Variants in NEDD4L observed in about 807,000 individuals in gnomAD.
NEDD4L encodes the protein NEDD4 like E3 ubiquitin protein ligase.
In NEDD4L, 54 loss-of-function variants were observed where a neutral mutation model predicts 148.9. That is an observed-to-expected ratio of 0.36 (90% confidence interval 0.29 to 0.45). NEDD4L has a LOEUF of 0.45. Ranked by LOEUF, NEDD4L falls within the 20% of genes least tolerant of loss-of-function variation. The probability of loss-of-function intolerance (pLI) is 1.00; values close to 1 mark genes in which losing one functional copy is unlikely to be tolerated. For synonymous variants in NEDD4L, 433 were observed against 440.7 expected (o/e 0.98, Z 0.22); for missense variants, 856 against 1,233.8 (o/e 0.69, Z 4.59).
chr18:58,111,190 C>T (rs560030402), intron 1 of NEDD4L, among the ~76,000 whole-genome samples: 14 of 152,274 alleles, frequency 9.2e-5, no homozygotes, highest in Admixed American at 7.8e-4. Context: ...GGCTCAGCCT[C>T]CCAGGTAGCT....
chr18:58,292,847 A>C (rs2054967087), intron 5 of NEDD4L, among the ~76,000 whole-genome samples: 1 of 152,230 alleles, frequency 6.6e-6, no homozygotes, highest in Admixed American at 6.5e-5. Flanking sequence ...ACAATGTCCT[A>C]AATAAACACT....
chr18:58,100,992 G>A (rs574581209), intron 1 of NEDD4L, among the ~76,000 whole-genome samples: 1 of 152,248 alleles, frequency 6.6e-6, no homozygotes, highest in African/African-American at 2.4e-5. Flanking sequence ...TTTTTGTAGA[G>A]ATGAGGTCTC....
At chr18:58,149,474 C>G in intron 1 of NEDD4L, 1 of 1,549,500 alleles carries the variant, frequency 6.5e-7, no homozygotes, top group African/African-American at 1.4e-5. Flanking sequence ...AGAACTTGCT[C>G]TGCCCTTGAG....
At chr18:58,254,762 C>A (rs1424056747) in intron 5 of NEDD4L, among the ~76,000 whole-genome samples, 2 of 152,154 alleles carry the variant, frequency 1.3e-5, no homozygotes, top group Non-Finnish European at 2.9e-5. Context: ...CACGTATACA[C>A]CTTTTAAATG....
rs926823542 is a variant in NEDD4L, at chr18:58,176,960, A to C, written c.122+11099A>C. 2.6e-5 allele frequency among the ~76,000 whole-genome samples: 4 copies of C among 152,172 alleles called. No homozygotes were observed. In the East Asian group the frequency reaches 7.7e-4, roughly 29 times the overall value. On this transcript the variant is annotated intron_variant, in intron 2 of 30. Coordinates refer to ENST00000400345, the MANE Select transcript of NEDD4L (RefSeq NM_001144967.3). ...GGTCAGAGTGCAGCCTAGAAAATTA[A>C]ATTAAAAAGCTGCTGAGGAGTGCTG...
At chr18:58,121,477 G>C (rs1002604461) in intron 1 of NEDD4L, among the ~76,000 whole-genome samples, 1 of 151,472 alleles carries the variant, frequency 6.6e-6, no homozygotes, top group African/African-American at 2.4e-5. Flanking sequence ...CTGGAGCAGT[G>C]GTGTGGCCCT....
At chr18:58,075,755 C>T (rs1197941137) in intron 1 of NEDD4L, among the ~76,000 whole-genome samples, 2 of 152,082 alleles carry the variant, frequency 1.3e-5, no homozygotes, top group African/African-American at 2.4e-5. Context: ...AGCAAGACCC[C>T]CATCCCTACA....
At chr18:58,368,970 A>G (rs572209883) in intron 22 of NEDD4L, among the ~76,000 whole-genome samples, 1 of 152,350 alleles carries the variant, frequency 6.6e-6, no homozygotes, top group East Asian at 1.9e-4. Context: ...TAGTTGCTAC[A>G]GTGTCTTTAA....
chr18:58,312,565 A>G (rs571282216), intron 5 of NEDD4L, among the ~76,000 whole-genome samples: 1 of 152,304 alleles, frequency 6.6e-6, no homozygotes, highest in South Asian at 2.1e-4. Flanking sequence ...TCCTCTTACC[A>G]TCAAACAGAG....
chr18:58,167,826 G>A (rs1393137590), intron 2 of NEDD4L, among the ~76,000 whole-genome samples: 1 of 152,114 alleles, frequency 6.6e-6, no homozygotes, highest in Non-Finnish European at 1.5e-5. Context: ...AATGAAATCT[G>A]TAGTGCTGAA....
intron 24 of NEDD4L, among the ~76,000 whole-genome samples, chr18:58,382,655 T>G (rs1449153058): frequency 6.6e-6 from 1 of 152,134 alleles, no homozygotes; most frequent in Non-Finnish European, 1.5e-5. Flanking sequence ...TGCAGCTGCT[T>G]TTTTCATGAT....
At chr18:58,213,820 G>A (rs1215518118) in intron 2 of NEDD4L, among the ~76,000 whole-genome samples, 1 of 152,112 alleles carries the variant, frequency 6.6e-6, no homozygotes, top group African/African-American at 2.4e-5. Context: ...GATTTTACGA[G>A]CATATTAATT....
chr18:58,355,237 G>A (rs939902096), intron 18 of NEDD4L, among the ~76,000 whole-genome samples: 1 of 152,234 alleles, frequency 6.6e-6, no homozygotes, highest in Non-Finnish European at 1.5e-5. Flanking sequence ...GAGCCCTCTA[G>A]CAAGAAGCTT....
chr18:58,364,835 G>T (rs999096488), intron 20 of NEDD4L, among the ~76,000 whole-genome samples: 1 of 152,044 alleles, frequency 6.6e-6, no homozygotes, highest in East Asian at 1.9e-4. Context: ...ATTATCCCTG[G>T]CAGTTTAAAA....
intron 27 of NEDD4L, chr18:58,387,858 GCAGTAGCCCTCTGGA>G (rs1416572049): frequency 5.5e-6 from 1 of 181,120 alleles, no homozygotes; most frequent in African/African-American, 2.4e-5. Context: ...AACAAGGTTT[GCAGTAGCCCTCTGGA>G]CAGCAGAAAC....
intron 5 of NEDD4L, among the ~76,000 whole-genome samples, chr18:58,303,534 C>T (rs1427690528): frequency 1.3e-5 from 2 of 152,160 alleles, no homozygotes; most frequent in Admixed American, 6.6e-5. Context: ...CAAGGAGCTC[C>T]GCCTTTGGTC....
At chr18:58,066,070 G>T (rs1167446148) in intron 1 of NEDD4L, among the ~76,000 whole-genome samples, 1 of 152,196 alleles carries the variant, frequency 6.6e-6, no homozygotes, top group South Asian at 2.1e-4. Flanking sequence ...AAGGAAACTT[G>T]GTAGATTAAA....
chr18:58,206,160 A>G (rs1184804677), intron 2 of NEDD4L, among the ~76,000 whole-genome samples: 2 of 152,126 alleles, frequency 1.3e-5, no homozygotes, highest in East Asian at 3.8e-4. Context: ...AGGCCGAGGC[A>G]GGCGGATCAC....
At chr18:58,313,796 T>G (rs2057960210) in intron 5 of NEDD4L, among the ~76,000 whole-genome samples, 2 of 152,224 alleles carry the variant, frequency 1.3e-5, no homozygotes, top group Admixed American at 1.3e-4. Context: ...TTTAACCTGT[T>G]TTATCAGTTT....
Sources: allele counts gnomAD v4.1 joint callset (sites outside exome capture counted in the v4.1 genomes callset), GRCh38; gene constraint gnomAD v4.1.1; transcripts MANE v1.5; gene names NCBI Gene and HGNC (gene_info 2026-07-23, HGNC 2026-07-21).